The following ABCB11 variants were observed in gnomAD, a reference collection of about 807,000 sequenced individuals.
ABCB11 encodes the protein ATP binding cassette subfamily B member 11.
In ABCB11, 95 loss-of-function variants were observed where a neutral mutation model predicts 148.0. The observed-to-expected ratio is 0.64, with a 90% confidence interval of 0.54 to 0.76. The LOEUF is 0.76. Ranked by LOEUF, ABCB11 falls within the 30% of genes least tolerant of loss-of-function variation. The pLI is 0.00. For synonymous variants in ABCB11, 591 were observed against 555.4 expected (o/e 1.06, Z -0.90); for missense variants, 1,523 against 1,617.8 (o/e 0.94, Z 1.01).
chr2:168,924,835 G>T (rs767546551), intron 26 of ABCB11, 32 bp from the exon 27 acceptor site: 6 of 1,599,420 alleles, frequency 3.8e-6, no homozygotes, highest in Non-Finnish European at 5.1e-6. Flanking sequence ...TTGAGAAATA[G>T]AAACAGTTAT....
At chr2:169,017,572 A>T (rs775689523) in intron 2 of ABCB11, among the ~76,000 whole-genome samples, 1 of 152,156 alleles carries the variant, frequency 6.6e-6, no homozygotes, top group Non-Finnish European at 1.5e-5. Context: ...CAGTTTTGTC[A>T]TCTGTAAAAT....
intron 1 of ABCB11, among the ~76,000 whole-genome samples, chr2:169,019,260 T>G (rs2106061280): frequency 6.6e-6 from 1 of 152,244 alleles, no homozygotes; most frequent in South Asian, 2.1e-4. Context: ...TAAATTCACC[T>G]AATTGGAATC....
chr2:168,954,625 T>G (rs1469282276), intron 19 of ABCB11, among the ~76,000 whole-genome samples: 1 of 151,590 alleles, frequency 6.6e-6, no homozygotes. Context: ...TATAGATGAG[T>G]AGATGCTTTA....
At position 168,938,549 on chromosome 2, in the gene ABCB11, A is replaced by G. The variant is rs139328614; in HGVS notation, c.2611-2116T>C. On this transcript the variant is annotated intron_variant, in intron 21 of 27. Transcript: ENST00000650372. ...GAGCAGGATGGGGAGTTGCCGTTTCAAGGGTACAGAATTTCTCTTTGGAAC... is the reference window on the plus strand; with the variant it reads ...GAGCAGGATGGGGAGTTGCCGTTTCGAGGGTACAGAATTTCTCTTTGGAAC... Among the ~76,000 whole-genome samples, 146 of 152,294 alleles carry G rather than the reference A, an allele frequency of 9.6e-4. 1 individual carries two copies. The highest frequency in any genetic ancestry group is 1.7e-3 in the Non-Finnish European group (115 of 68,014).
At chr2:168,920,435 C>T (rs370336207), downstream of ABCB11, among the ~76,000 whole-genome samples, 3 of 152,128 alleles carry the variant, frequency 2.0e-5, no homozygotes, top group South Asian at 2.1e-4. Context: ...TATTGCACCA[C>T]CTGAATTGTT....
intron 19 of ABCB11, 43 bp from the exon 20 acceptor site, chr2:168,945,004 G>C: frequency 7.7e-7 from 1 of 1,303,448 alleles, no homozygotes; most frequent in Non-Finnish European, 1.1e-6. Flanking sequence ...ATTATAAATA[G>C]AAAAATAAAT....
chr2:168,993,584 A>G, intron 8 of ABCB11, 127 bp downstream of exon 8: 2 of 834,758 alleles, frequency 2.4e-6, no homozygotes, highest in Non-Finnish European at 3.7e-6. Context: ...TAATCTAACA[A>G]ACTACATGAA....
At chr2:168,990,144 C>T (rs926851034) in intron 9 of ABCB11, among the ~76,000 whole-genome samples, 9 of 152,016 alleles carry the variant, frequency 5.9e-5, no homozygotes, top group Admixed American at 4.6e-4. Context: ...GTATTCCCTC[C>T]GCTTTAATTT....
At chr2:168,986,480 T>A (rs1360893471) in intron 9 of ABCB11, among the ~76,000 whole-genome samples, 196 bp from the exon 10 acceptor site, 2 of 152,122 alleles carry the variant, frequency 1.3e-5, no homozygotes, top group Non-Finnish European at 2.9e-5. Context: ...TGAAACATGT[T>A]GAAAGGGCGA....
chr2:169,030,673 G>T (rs1463409238), intron 1 of ABCB11, among the ~76,000 whole-genome samples: 2 of 151,946 alleles, frequency 1.3e-5, no homozygotes, highest in East Asian at 1.9e-4. Context: ...TTAGATCCTA[G>T]AAACAAACTT....
chr2:168,979,672 CAAAAAAAAAA>C (rs55859131), intron 11 of ABCB11, among the ~76,000 whole-genome samples, 184 bp downstream of exon 11: 78 of 100,068 alleles, frequency 7.8e-4, no homozygotes, highest in South Asian at 4.0e-3. Context: ...AACTCCATCT[CAAAAAAAAAA>C]AAAAAAAAAA....
chr2:168,994,071 T>C (rs921821874), intron 7 of ABCB11, among the ~76,000 whole-genome samples, 189 bp from the exon 8 acceptor site: 3 of 152,118 alleles, frequency 2.0e-5, no homozygotes, highest in Non-Finnish European at 4.4e-5. Flanking sequence ...TCTTTCCTGA[T>C]AGCCAATCAA....
chr2:169,004,539 C>T (rs571889946), intron 5 of ABCB11, among the ~76,000 whole-genome samples: 1 of 152,170 alleles, frequency 6.6e-6, no homozygotes, highest in East Asian at 1.9e-4. Flanking sequence ...TTTATTTATG[C>T]TATCTATTTA....
At chr2:168,988,844 TTG>T (rs1345024750) in intron 9 of ABCB11, among the ~76,000 whole-genome samples, 1 of 152,178 alleles carries the variant, frequency 6.6e-6, no homozygotes, top group Non-Finnish European at 1.5e-5. Context: ...TGGTTTTGAC[TTG>T]TGTTTCCTTG....
intron 12 of ABCB11, among the ~76,000 whole-genome samples, chr2:168,975,332 TA>T (rs1693802171): frequency 1.5e-5 from 1 of 65,016 alleles, no homozygotes; most frequent in African/African-American, 6.7e-5. Context: ...TATATAAATA[TA>T]TAAATATTTT....
intron 5 of ABCB11, among the ~76,000 whole-genome samples, chr2:169,004,601 T>C (rs1336183959): frequency 6.6e-6 from 1 of 152,228 alleles, no homozygotes; most frequent in Admixed American, 6.5e-5. Context: ...TTTCCTTCAG[T>C]TGGACTTAAC....
intron 11 of ABCB11, among the ~76,000 whole-genome samples, chr2:168,976,923 T>G (rs1252175571): frequency 6.6e-6 from 1 of 151,228 alleles, no homozygotes; most frequent in African/African-American, 2.4e-5. Context: ...ATTGCAGAGA[T>G]ACGCCAAAGA....
At chr2:168,944,504 G>T (rs1692211105) in intron 21 of ABCB11, 101 bp downstream of exon 21, 3 of 1,295,282 alleles carry the variant, frequency 2.3e-6, no homozygotes, top group Non-Finnish European at 3.2e-6. Flanking sequence ...CAATCCCACT[G>T]GTCCCTATTC....
At position 168,979,987 on chromosome 2, in the gene ABCB11, G is replaced by C. The variant is rs1694081613; in HGVS notation, c.1084-8C>G. On this transcript the variant is annotated splice_polypyrimidine_tract_variant and splice_region_variant and intron_variant, in intron 10 of 27. Coordinates refer to ENST00000650372, the MANE Select transcript of ABCB11 (RefSeq NM_003742.4). Reference sequence around the variant, plus strand: ...TATGACACTGAGGAAAATCTGAAATGAAAAGAGAGAGATTTTTCATGTGTT... The same window carrying C: ...TATGACACTGAGGAAAATCTGAAATCAAAAGAGAGAGATTTTTCATGTGTT... The C allele has an allele frequency of 1.3e-6, 2 of 1,525,822 alleles. No individual in the cohort carries two copies. The highest frequency in any genetic ancestry group is 4.5e-5 in the East Asian group (2 of 44,036). 94.5% of individuals were successfully genotyped at this position (1,525,822 alleles called of 1,614,324 possible).
Sources: gnomAD v4.1 joint callset for allele counts (sites outside exome capture counted in the v4.1 genomes callset) on GRCh38, gnomAD v4.1.1 for gene constraint, MANE v1.5 for transcripts, NCBI Gene and HGNC (gene_info 2026-07-23, HGNC 2026-07-21) for gene names.